The following TMEM50A variants were observed in gnomAD, a reference collection of about 807,000 sequenced individuals.
The protein encoded by TMEM50A is cervical cancer oncogene 9.
TMEM50A carries 8 observed loss-of-function variants against 23.9 expected under a neutral mutation model. That is an observed-to-expected ratio of 0.33 (90% CI 0.20 to 0.60). The LOEUF is 0.60. Ranked by LOEUF, TMEM50A falls within the 20% of genes least tolerant of loss-of-function variation. TMEM50A has a pLI of 0.81. For synonymous variants in TMEM50A, 55 were observed against 60.4 expected, an observed-to-expected ratio of 0.91 and a Z score of 0.41; for missense variants, 178 against 192.7, an observed-to-expected ratio of 0.92 and a Z score of 0.45.
chr1:25,356,950 A>G (rs556110475), intron 6 of TMEM50A, 97 bp downstream of exon 6: 3 of 769,146 alleles, frequency 3.9e-6, no homozygotes, highest in South Asian at 1.9e-5. Flanking sequence ...TACTCATCCA[A>G]TGCCCCTCCC....
At chr1:25,356,674 C>G in intron 5 of TMEM50A, 119 bp from the exon 6 acceptor site, 1 of 729,192 alleles carries the variant, frequency 1.4e-6, no homozygotes, top group Non-Finnish European at 2.3e-6. Context: ...AATACTCAAG[C>G]CAACCCTAAT....
At chr1:25,342,899 TGC>T in intron 2 of TMEM50A, 60 bp from the exon 3 acceptor site, 1 of 1,374,594 alleles carries the variant, frequency 7.3e-7, no homozygotes, top group Non-Finnish European at 1.0e-6. Flanking sequence ...TTAAATACCT[TGC>T]TTTTAGCCAG....
At chr1:25,346,543 A>G (rs1434104708) in intron 3 of TMEM50A, among the ~76,000 whole-genome samples, 1 of 152,066 alleles carries the variant, frequency 6.6e-6, no homozygotes. Flanking sequence ...CTACTTGCAC[A>G]TACCACCACA....
rs1357525099 is a variant in TMEM50A, at chr1:25,360,701, A to C, written c.470A>C (p.Gln157Pro). The stretch of plus-strand genomic sequence containing the variant: ...TTTGGCCGCACTGAAGACTTATGGC[A>C]GTGAACACATCTGATTTCCCACAGC... ...FKFGRTEDLW[Q>P] is the part of the protein sequence containing the mutation. The change falls in exon 7 of 7, where the codon CAG (glutamine) becomes CCG (proline). Residue 157 changes from glutamine (Q) to proline (P), a missense_variant. Gln to Pro is a moderately conservative substitution (Grantham distance 76, BLOSUM62 -1). Transcript: ENST00000374358. 1.2e-6 allele frequency: 2 copies of C among 1,614,152 alleles called. No individual in the cohort carries two copies. Among genetic ancestry groups the C allele is most frequent in the Non-Finnish European group, 1.7e-6 (2 of 1,180,018 alleles).
intron 4 of TMEM50A, 113 bp from the exon 5 acceptor site, chr1:25,352,769 A>C: frequency 1.2e-6 from 1 of 852,872 alleles, no homozygotes; most frequent in Non-Finnish European, 1.8e-6. Flanking sequence ...CTCACGTTAG[A>C]CTTTAATGGC....
At chr1:25,360,129 C>T (rs1453722045) in intron 6 of TMEM50A, among the ~76,000 whole-genome samples, 2 of 152,268 alleles carry the variant, frequency 1.3e-5, no homozygotes, top group Non-Finnish European at 2.9e-5. Context: ...GTAGGCGGAT[C>T]ACGAGGTCAG....
At chr1:25,358,198 C>T (rs1380697516) in intron 6 of TMEM50A, among the ~76,000 whole-genome samples, 5 of 152,148 alleles carry the variant, frequency 3.3e-5, no homozygotes, top group Non-Finnish European at 5.9e-5. Flanking sequence ...CCACCCGCCT[C>T]GGCCTCCCAA....
chr1:25,348,278 A>G (rs1014123365), intron 3 of TMEM50A, among the ~76,000 whole-genome samples: 1 of 152,248 alleles, frequency 6.6e-6, no homozygotes, highest in African/African-American at 2.4e-5. Context: ...AAAAGCAGCT[A>G]TTCTTTCATT....
intron 6 of TMEM50A, 108 bp from the exon 7 acceptor site, chr1:25,360,552 A>T: frequency 8.0e-7 from 1 of 1,249,384 alleles, no homozygotes; most frequent in Non-Finnish European, 1.2e-6. Context: ...AATTTCTTCT[A>T]CAACTCATCA....
chr1:25,342,933 T>C (rs1164102104), intron 2 of TMEM50A, 28 bp from the exon 3 acceptor site: 33 of 1,584,844 alleles, frequency 2.1e-5, no homozygotes, highest in Non-Finnish European at 2.8e-5. Context: ...ATTGCTATGA[T>C]TTCTCATTGG....
intron 2 of TMEM50A, among the ~76,000 whole-genome samples, 170 bp downstream of exon 2, chr1:25,340,749 A>T (rs1026718288): frequency 6.6e-6 from 1 of 152,176 alleles, no homozygotes; most frequent in Non-Finnish European, 1.5e-5. Context: ...TTAAGAGTTT[A>T]TGGTTTAAAA....
chr1:25,339,198 T>G (rs1473474548), intron 1 of TMEM50A, among the ~76,000 whole-genome samples: 3 of 152,234 alleles, frequency 2.0e-5, no homozygotes, highest in East Asian at 1.9e-4. Context: ...AGTTTGGGTG[T>G]TGTTATTCGC....
chr1:25,356,698 A>C, intron 5 of TMEM50A, 95 bp from the exon 6 acceptor site: 1 of 911,892 alleles, frequency 1.1e-6, no homozygotes. Context: ...AAGAAAAATC[A>C]ATTCTTCTAG....
intron 6 of TMEM50A, 91 bp from the exon 7 acceptor site, chr1:25,360,569 C>T: frequency 7.0e-7 from 1 of 1,419,718 alleles, no homozygotes; most frequent in Non-Finnish European, 9.9e-7. Flanking sequence ...ATCAATTATT[C>T]TTCGTTGTTT....
intron 6 of TMEM50A, among the ~76,000 whole-genome samples, chr1:25,357,763 G>T (rs1162191468): frequency 6.6e-6 from 1 of 151,606 alleles, no homozygotes; most frequent in African/African-American, 2.4e-5. Context: ...TCAGCCTCCC[G>T]TGTAGCTGGG....
chr1:25,357,983 T>G (rs1486516820), intron 6 of TMEM50A, among the ~76,000 whole-genome samples: 3 of 147,710 alleles, frequency 2.0e-5, no homozygotes, highest in African/African-American at 7.6e-5. Context: ...AGTCTCACTC[T>G]GTCGCCCAGG....
At chr1:25,343,554 T>C (rs1398690113) in intron 3 of TMEM50A, among the ~76,000 whole-genome samples, 1 of 152,044 alleles carries the variant, frequency 6.6e-6, no homozygotes, top group East Asian at 1.9e-4. Flanking sequence ...ATAGGAGGGA[T>C]AGAAATTAAA....
At chr1:25,358,422 A>G (rs1005046586) in intron 6 of TMEM50A, among the ~76,000 whole-genome samples, 9 of 152,196 alleles carry the variant, frequency 5.9e-5, no homozygotes, top group Non-Finnish European at 1.0e-4. Context: ...GATGTATATT[A>G]CAGGACCTTT....
intron 3 of TMEM50A, among the ~76,000 whole-genome samples, chr1:25,345,825 T>C (rs572089732): frequency 2.0e-5 from 3 of 151,650 alleles, no homozygotes; most frequent in Non-Finnish European, 4.4e-5. Context: ...TTTTGCTCTG[T>C]CGCCCAGGCT....
Sources: allele counts gnomAD v4.1 joint callset (sites outside exome capture counted in the v4.1 genomes callset), GRCh38; gene constraint gnomAD v4.1.1; transcripts MANE v1.5; gene names NCBI Gene and HGNC (gene_info 2026-07-23, HGNC 2026-07-21).